The following ATXN8OS variants were observed in gnomAD, a reference collection of about 807,000 sequenced individuals.
ATXN8OS encodes ATXN8 opposite strand (non-protein coding).
At chr13:70,154,521 T>C (rs1051157585) in intron 4 of ATXN8OS, among the ~76,000 whole-genome samples, 1 of 152,166 alleles carries the variant, frequency 6.6e-6, no homozygotes, top group Admixed American at 6.5e-5. Flanking sequence ...GACATATCTT[T>C]TGGTGTTGGT....
intron 4 of ATXN8OS, among the ~76,000 whole-genome samples, chr13:70,154,477 T>A (rs935144945): frequency 6.6e-6 from 1 of 152,182 alleles, no homozygotes; most frequent in Non-Finnish European, 1.5e-5. Context: ...GATTGTGGAA[T>A]AATAAAGTGC....
chr13:70,143,762 T>C (rs569893612), intron 3 of ATXN8OS, among the ~76,000 whole-genome samples: 11 of 152,298 alleles, frequency 7.2e-5, no homozygotes, highest in Admixed American at 4.6e-4. Context: ...GAATTCGTGT[T>C]TAAGTGCTTG....
At chr13:70,152,276 C>A (rs545005773) in intron 4 of ATXN8OS, among the ~76,000 whole-genome samples, 1 of 151,960 alleles carries the variant, frequency 6.6e-6, no homozygotes, top group Non-Finnish European at 1.5e-5. Flanking sequence ...CATCTAAGTA[C>A]CCTATACTTT....
intron 4 of ATXN8OS, among the ~76,000 whole-genome samples, chr13:70,169,359 C>G (rs1031886561): frequency 6.6e-6 from 1 of 152,062 alleles, no homozygotes; most frequent in African/African-American, 2.4e-5. Context: ...TGCAATGGCA[C>G]GATCTTGGCT....
intron 2 of ATXN8OS, among the ~76,000 whole-genome samples, chr13:70,129,499 A>T (rs1473681302): frequency 6.6e-6 from 1 of 152,064 alleles, no homozygotes; most frequent in African/African-American, 2.4e-5. Flanking sequence ...CTCTATGCAG[A>T]TATACTCAAG....
intron 3 of ATXN8OS, among the ~76,000 whole-genome samples, chr13:70,140,542 A>AAT (rs1888698143): frequency 6.6e-6 from 1 of 151,706 alleles, no homozygotes; most frequent in African/African-American, 2.4e-5. Flanking sequence ...ACAAAAAAAA[A>AAT]AAAACGGAGA....
intron 4 of ATXN8OS, among the ~76,000 whole-genome samples, chr13:70,162,774 T>C (rs1889026204): frequency 6.6e-6 from 1 of 152,158 alleles, no homozygotes; most frequent in Admixed American, 6.6e-5. Flanking sequence ...TTAAGTCTTA[T>C]TTTGATTAAC....
intron 1 of ATXN8OS, chr13:70,108,347 T>C (rs1888129598): frequency 3.8e-6 from 1 of 265,384 alleles, no homozygotes; most frequent in Admixed American, 5.4e-5. Flanking sequence ...CCAGAAGAGG[T>C]GGTTTTATAT....
At chr13:70,154,911 A>T (rs1482853676) in intron 4 of ATXN8OS, among the ~76,000 whole-genome samples, 2 of 152,194 alleles carry the variant, frequency 1.3e-5, no homozygotes, top group Non-Finnish European at 2.9e-5. Flanking sequence ...GATAATGGAC[A>T]TCTGGATTGC....
rs368284518 is a variant in ATXN8OS at position 70,169,452 on chromosome 13, G to A, written n.574-301G>A. On this transcript the variant is annotated intron_variant and non_coding_transcript_variant, in intron 4 of 4. Transcript: ENST00000678624. ...GCTTGGATTACAGGCTCCTGCCACC[G>A]CCCCCAGTAATTTTTGTATTTTTTG... Among the ~76,000 whole-genome samples, 14 of 151,698 alleles carry A rather than the reference G, an allele frequency of 9.2e-5. 1 individual carries two copies. The highest frequency in any genetic ancestry group is 3.9e-4 in the East Asian group (2 of 5,158).
At chr13:70,151,698 G>A (rs539344785) in intron 4 of ATXN8OS, among the ~76,000 whole-genome samples, 29 of 152,162 alleles carry the variant, frequency 1.9e-4, no homozygotes, top group African/African-American at 6.7e-4. Context: ...TTAGTTAATT[G>A]GAAGTCACTG....
intron 3 of ATXN8OS, among the ~76,000 whole-genome samples, chr13:70,144,007 T>A (rs375642736): frequency 6.6e-6 from 1 of 152,160 alleles, no homozygotes; most frequent in South Asian, 2.1e-4. Flanking sequence ...ATACCTTTAT[T>A]GGTTTTTATC....
At chr13:70,142,494 A>G (rs1859722972) in intron 3 of ATXN8OS, among the ~76,000 whole-genome samples, 1 of 152,186 alleles carries the variant, frequency 6.6e-6, no homozygotes, top group African/African-American at 2.4e-5. Context: ...GCTATGTTTT[A>G]GCAATTGTGT....
chr13:70,110,563 A>G (rs2137466932), intron 1 of ATXN8OS, among the ~76,000 whole-genome samples: 1 of 151,988 alleles, frequency 6.6e-6, no homozygotes, highest in East Asian at 1.9e-4. Context: ...AGAGAAGGAG[A>G]AAAAAGAAAG....
At chr13:70,156,106 T>A (rs1381517406) in intron 4 of ATXN8OS, among the ~76,000 whole-genome samples, 4 of 151,648 alleles carry the variant, frequency 2.6e-5, no homozygotes, top group Non-Finnish European at 5.9e-5. Context: ...TGATATTTGC[T>A]CATAAACAGC....
At chr13:70,129,625 T>C (rs1014833393) in intron 2 of ATXN8OS, among the ~76,000 whole-genome samples, 2 of 152,220 alleles carry the variant, frequency 1.3e-5, no homozygotes, top group African/African-American at 4.8e-5. Flanking sequence ...TGTATTTTTA[T>C]ATGTTACTAT....
chr13:70,167,151 C>G (rs1042464698), intron 4 of ATXN8OS, among the ~76,000 whole-genome samples: 8 of 151,982 alleles, frequency 5.3e-5, no homozygotes, highest in African/African-American at 1.9e-4. Flanking sequence ...TTTGACCCAG[C>G]CATCCCATTA....
exon 5 of ATXN8OS, among the ~76,000 whole-genome samples, chr13:70,171,471 C>A (rs921574857): frequency 6.6e-6 from 1 of 152,050 alleles, no homozygotes; most frequent in African/African-American, 2.4e-5. Context: ...TAATTGTGTA[C>A]ATTTTAATAA....
intron 4 of ATXN8OS, among the ~76,000 whole-genome samples, chr13:70,153,014 C>CTGTGTGTGTGTG (rs66574752): frequency 3.4e-3 from 476 of 141,798 alleles, no homozygotes; most frequent in Non-Finnish European, 4.2e-3. Context: ...TAAGAAAAAA[C>CTGTGTGTGTGTG]TGTGTGTGTG....
Sources: gnomAD v4.1 joint callset for allele counts (sites outside exome capture counted in the v4.1 genomes callset) on GRCh38, gnomAD v4.1.1 for gene constraint, MANE v1.5 for transcripts, NCBI Gene and HGNC (gene_info 2026-07-23, HGNC 2026-07-21) for gene names.